Variants in NAV2 observed in about 807,000 individuals in gnomAD.
NAV2 encodes neuron navigator 2.
A neutral mutation model predicts 223.2 loss-of-function variants in NAV2; 54 were observed. The observed-to-expected ratio is 0.24, with a 90% CI of 0.19 to 0.30. NAV2 has a LOEUF of 0.30. NAV2 is among the 10% of genes least tolerant of loss of function. The pLI is 1.00. For missense variants in NAV2, 2,806 were observed against 3,147.5 expected (o/e 0.89, Z 2.60); for synonymous variants, 1,279 against 1,239.3 (o/e 1.03, Z -0.67).
chr11:19,427,858 G>A (rs1590186235), intron 1 of NAV2, among the ~76,000 whole-genome samples: 1 of 152,118 alleles, frequency 6.6e-6, no homozygotes, highest in Non-Finnish European at 1.5e-5. Flanking sequence ...TTATTGGGTT[G>A]TTGATCATGT....
chr11:19,694,930 C>G (rs1198499493), intron 1 of NAV2, among the ~76,000 whole-genome samples: 2 of 152,210 alleles, frequency 1.3e-5, no homozygotes, highest in Non-Finnish European at 1.5e-5. Flanking sequence ...GCCTGTTTTC[C>G]CTTTCAAGGT....
At chr11:19,714,082 C>T in intron 1 of NAV2, 120 bp downstream of exon 1, 2 of 1,388,188 alleles carry the variant, frequency 1.4e-6, no homozygotes, top group Non-Finnish European at 2.0e-6. Context: ...GGGAAGGGAA[C>T]CATTCCCCTT....
intron 17 of NAV2, among the ~76,000 whole-genome samples, chr11:20,052,795 A>T (rs551637531): frequency 6.6e-5 from 10 of 152,184 alleles, no homozygotes; most frequent in Non-Finnish European, 4.4e-5. Context: ...CTCCATACAC[A>T]TGAACATCCA....
At chr11:19,836,144 T>TAACA (rs1386504077) in intron 2 of NAV2, among the ~76,000 whole-genome samples, 57 of 152,202 alleles carry the variant, frequency 3.7e-4, no homozygotes, top group Non-Finnish European at 7.9e-4. Context: ...GGCCCGAATG[T>TAACA]TTCCCCTTCT....
intron 1 of NAV2, among the ~76,000 whole-genome samples, chr11:19,598,194 C>G (rs542236049): frequency 1.3e-5 from 2 of 152,204 alleles, no homozygotes; most frequent in East Asian, 3.9e-4. Context: ...GGGCAGTGCC[C>G]CAGCCTCAGC....
rs7945294 is a variant in NAV2 at position 19,726,430 on chromosome 11, C to T, written c.267+12468C>T. 1.7e-3 allele frequency among the ~76,000 whole-genome samples: 260 copies of T among 152,304 alleles called. 4 individuals are homozygous for T. The highest frequency in any genetic ancestry group is 5.8e-3 in the African/African-American group (239 of 41,552). On this transcript the variant is annotated intron_variant, in intron 1 of 37. Coordinates refer to ENST00000349880, the MANE Select transcript of NAV2 (RefSeq NM_145117.5). ...CTTCATTTTGAAGATGAGGATGCCACGCCTCAGGGCCTTTGCACTTGCTGC... is the reference window on the plus strand; with the variant it reads ...CTTCATTTTGAAGATGAGGATGCCATGCCTCAGGGCCTTTGCACTTGCTGC...
intron 3 of NAV2, among the ~76,000 whole-genome samples, chr11:19,845,720 T>C (rs1310486902): frequency 2.0e-5 from 3 of 152,194 alleles, no homozygotes; most frequent in African/African-American, 7.2e-5. Context: ...GCCCAGCTGC[T>C]CTGTTCTCTG....
chr11:20,022,801 G>A (rs888654646), intron 11 of NAV2: 6 of 1,224,834 alleles, frequency 4.9e-6, no homozygotes, highest in Admixed American at 4.0e-5. Flanking sequence ...TTACGGTAAT[G>A]GTTTCAGAGT....
chr11:19,492,773 A>G (rs2042672333), intron 1 of NAV2, among the ~76,000 whole-genome samples: 1 of 152,254 alleles, frequency 6.6e-6, no homozygotes, highest in Non-Finnish European at 1.5e-5. Flanking sequence ...GGCTATAATA[A>G]GACAAATGCT....
In NAV2 at chr11:19,938,025, T is replaced by C. The variant is rs77253798; in HGVS notation, c.2034-1636T>C. ...AACTAAGGAAGGAGGAGAAGGGCCT[T>C]TAGGCAGAGAGGTTGTAGTTACTGC... is the stretch of plus-strand genomic sequence containing the variant. On this transcript the variant is annotated intron_variant, in intron 7 of 37. Transcript: ENST00000349880. Among the ~76,000 whole-genome samples, 480 of 152,266 alleles carry C rather than the reference T, an allele frequency of 3.2e-3. 16 individuals are homozygous for C. In the South Asian group the frequency reaches 0.07, roughly 22 times the overall value.
chr11:19,972,684 T>C (rs969745583), intron 10 of NAV2, among the ~76,000 whole-genome samples: 1 of 152,176 alleles, frequency 6.6e-6, no homozygotes, highest in Admixed American at 6.5e-5. Flanking sequence ...TGGGAGGCTT[T>C]CTTTCTCTAA....
At chr11:20,035,099 G>A (rs1401631936) in intron 11 of NAV2, among the ~76,000 whole-genome samples, 2 of 152,062 alleles carry the variant, frequency 1.3e-5, no homozygotes, top group Non-Finnish European at 2.9e-5. Flanking sequence ...TGACTGCTGC[G>A]GGCGGATGGA....
chr11:19,745,301 A>G (rs1339358581), intron 1 of NAV2, among the ~76,000 whole-genome samples: 1 of 152,208 alleles, frequency 6.6e-6, no homozygotes, highest in East Asian at 1.9e-4. Context: ...TTATGACTGC[A>G]TTTGCAAAAG....
At chr11:20,032,033 A>G (rs1346555434) in intron 11 of NAV2, among the ~76,000 whole-genome samples, 5 of 152,202 alleles carry the variant, frequency 3.3e-5, no homozygotes, top group Non-Finnish European at 7.3e-5. Flanking sequence ...TGTACCCTGA[A>G]TGGGAAAAGG....
chr11:20,094,085 G>A (rs1359456141), intron 29 of NAV2, among the ~76,000 whole-genome samples: 1 of 152,094 alleles, frequency 6.6e-6, no homozygotes, highest in Non-Finnish European at 1.5e-5. Context: ...CCTCACTATA[G>A]GGGGTAAGCT....
chr11:19,378,690 T>C (rs1304685261), intron 1 of NAV2, among the ~76,000 whole-genome samples: 1 of 152,286 alleles, frequency 6.6e-6, no homozygotes, highest in African/African-American at 2.4e-5. Flanking sequence ...GCCAGTGCTC[T>C]AGGTGTCAAG....
intron 24 of NAV2, among the ~76,000 whole-genome samples, chr11:20,078,727 G>A (rs759208475): frequency 6.6e-6 from 1 of 152,188 alleles, no homozygotes; most frequent in Non-Finnish European, 1.5e-5. Context: ...GAAAGTGCTA[G>A]GATTACGAGC....
chr11:19,492,393 A>G (rs1467859439), intron 1 of NAV2, among the ~76,000 whole-genome samples: 1 of 152,092 alleles, frequency 6.6e-6, no homozygotes, highest in East Asian at 1.9e-4. Context: ...ATGTCCCTAA[A>G]TTTACTGTGT....
At chr11:19,973,078 C>G (rs962162628) in intron 10 of NAV2, among the ~76,000 whole-genome samples, 3 of 152,208 alleles carry the variant, frequency 2.0e-5, no homozygotes, top group Non-Finnish European at 2.9e-5. Flanking sequence ...CCTTCTCATT[C>G]TGTCTATTCT....
Sources: allele counts gnomAD v4.1 joint callset (sites outside exome capture counted in the v4.1 genomes callset), GRCh38; gene constraint gnomAD v4.1.1; transcripts MANE v1.5; gene names NCBI Gene and HGNC (gene_info 2026-07-23, HGNC 2026-07-21).